SCHIP1: variants seen among roughly 807,000 people sequenced by gnomAD.
SCHIP1 encodes the protein schwannomin-interacting protein 1.
In SCHIP1, 8 loss-of-function variants were observed where a neutral mutation model predicts 29.7. The observed-to-expected ratio is 0.27, with a 90% CI of 0.16 to 0.49. The LOEUF is 0.49. Among genes scored for constraint, SCHIP1 ranks in the 20% least tolerant of loss-of-function variants. The probability of loss-of-function intolerance (pLI) is 0.99; values close to 1 mark genes in which losing one functional copy is unlikely to be tolerated. For missense variants in SCHIP1, 193 were observed against 294.6 expected (o/e 0.66, Z 2.52); for synonymous variants, 76 against 94.9 (o/e 0.80, Z 1.16).
chr3:159,430,723 G>A, the SCHIP1 span, among the ~76,000 whole-genome samples: 4 of 152,148 alleles, frequency 2.6e-5, no homozygotes, highest in East Asian at 7.7e-4. Context: ...CTGCCCTCAG[G>A]GACTCTACAG....
chr3:159,606,313 T>C, the SCHIP1 span, among the ~76,000 whole-genome samples: 1 of 152,110 alleles, frequency 6.6e-6, no homozygotes, highest in African/African-American at 2.4e-5. Context: ...GGGAAGGAGA[T>C]GTATAATAAA....
At chr3:159,892,670 A>G (rs1361078875) in intron 6 of SCHIP1, 1 of 169,414 alleles carries the variant, frequency 5.9e-6, no homozygotes, top group Admixed American at 6.2e-5. Context: ...TGTTCTCACC[A>G]TGGGGAAACT....
At chr3:159,833,013 G>GA in the SCHIP1 span, among the ~76,000 whole-genome samples, 187 of 152,262 alleles carry the variant, frequency 1.2e-3, 1 homozygote, top group African/African-American at 4.2e-3. Context: ...GTACGTATGG[G>GA]AAAAACATGG....
At chr3:159,293,196 A>G in the SCHIP1 span, among the ~76,000 whole-genome samples, 1 of 152,194 alleles carries the variant, frequency 6.6e-6, no homozygotes, top group Non-Finnish European at 1.5e-5. Flanking sequence ...TGCAATAGAG[A>G]TGCTAGAACA....
the SCHIP1 span, among the ~76,000 whole-genome samples, chr3:159,731,288 A>C: frequency 6.6e-6 from 1 of 152,252 alleles, no homozygotes; most frequent in Non-Finnish European, 1.5e-5. Flanking sequence ...AATTACTTTT[A>C]ATCCACCCCC....
chr3:159,685,379 C>T, the SCHIP1 span, among the ~76,000 whole-genome samples: 1 of 152,098 alleles, frequency 6.6e-6, no homozygotes, highest in African/African-American at 2.4e-5. Context: ...TATTTTCTGG[C>T]TATTTAAAAA....
the SCHIP1 span, among the ~76,000 whole-genome samples, chr3:159,592,721 T>A: frequency 2.6e-5 from 4 of 152,214 alleles, no homozygotes; most frequent in African/African-American, 9.6e-5. Context: ...CATATAACAC[T>A]GTGTACAGAC....
At chr3:159,749,815 C>T in the SCHIP1 span, among the ~76,000 whole-genome samples, 5 of 152,108 alleles carry the variant, frequency 3.3e-5, no homozygotes, top group African/African-American at 9.7e-5. Flanking sequence ...AGTCAGCAAA[C>T]ATTCACATCC....
At chr3:159,603,040 TCTGA>T in the SCHIP1 span, among the ~76,000 whole-genome samples, 3 of 152,200 alleles carry the variant, frequency 2.0e-5, no homozygotes, top group Admixed American at 2.0e-4. Context: ...TACCTGTGCT[TCTGA>T]CTGACTGGCT....
At chr3:159,877,071 G>A (rs1422095108) in intron 2 of SCHIP1, among the ~76,000 whole-genome samples, 1 of 152,196 alleles carries the variant, frequency 6.6e-6, no homozygotes, top group East Asian at 1.9e-4. Context: ...ATTTTAGGCT[G>A]GGAGCAGTGG....
chr3:159,293,128 A>G, the SCHIP1 span, among the ~76,000 whole-genome samples: 1 of 152,174 alleles, frequency 6.6e-6, no homozygotes, highest in Non-Finnish European at 1.5e-5. Flanking sequence ...AATTAAAACA[A>G]TTTTTTCAAT....
At chr3:159,819,247 G>A in the SCHIP1 span, among the ~76,000 whole-genome samples, 2 of 152,022 alleles carry the variant, frequency 1.3e-5, no homozygotes, top group African/African-American at 4.8e-5. Flanking sequence ...TTGGGGGAGA[G>A]AGAGAGAGGA....
At chr3:159,332,583 A>T in the SCHIP1 span, among the ~76,000 whole-genome samples, 1 of 152,180 alleles carries the variant, frequency 6.6e-6, no homozygotes, top group African/African-American at 2.4e-5. Flanking sequence ...CTCCAGGAAT[A>T]TGAGCCCTGC....
the SCHIP1 span, among the ~76,000 whole-genome samples, chr3:159,424,832 C>T: frequency 2.6e-5 from 4 of 152,212 alleles, no homozygotes; most frequent in African/African-American, 9.7e-5. Flanking sequence ...ATCAGACTAA[C>T]AGCGGATCTC....
the SCHIP1 span, among the ~76,000 whole-genome samples, chr3:159,626,757 G>A: frequency 6.6e-6 from 1 of 152,114 alleles, no homozygotes; most frequent in Admixed American, 6.5e-5. Flanking sequence ...GTCCCCTGAT[G>A]CAGTCCCTGA....
chr3:159,561,875 A>G, the SCHIP1 span, among the ~76,000 whole-genome samples: 1 of 152,172 alleles, frequency 6.6e-6, no homozygotes, highest in Non-Finnish European at 1.5e-5. Context: ...ATATGAGAAT[A>G]GCAGGTCCTT....
the SCHIP1 span, among the ~76,000 whole-genome samples, chr3:159,349,943 C>T: frequency 1.3e-5 from 2 of 152,168 alleles, no homozygotes; most frequent in Non-Finnish European, 2.9e-5. Context: ...CTTACCTCTT[C>T]AACTCTGTGA....
the SCHIP1 span, among the ~76,000 whole-genome samples, chr3:159,616,482 C>T: frequency 6.6e-6 from 1 of 152,062 alleles, no homozygotes; most frequent in South Asian, 2.1e-4. Context: ...CAGAGCATAA[C>T]CATATCAGAA....
chr3:159,504,686 A>G, the SCHIP1 span, among the ~76,000 whole-genome samples: 1 of 152,192 alleles, frequency 6.6e-6, no homozygotes, highest in Non-Finnish European at 1.5e-5. Flanking sequence ...TGCCTGTCAC[A>G]AGGACTAGCT....
Sources: allele counts gnomAD v4.1 joint callset (sites outside exome capture counted in the v4.1 genomes callset), GRCh38; gene constraint gnomAD v4.1.1; transcripts MANE v1.5; gene names NCBI Gene and HGNC (gene_info 2026-07-23, HGNC 2026-07-21).